IL1RL1: variants seen among roughly 807,000 people sequenced by gnomAD.
IL1RL1 encodes interleukin-1 receptor-like 1.
IL1RL1 carries 32 observed loss-of-function variants against 50.9 expected under a neutral mutation model. The observed-to-expected ratio is 0.63, with a 90% CI of 0.47 to 0.84. The LOEUF (loss-of-function observed/expected upper bound fraction) is 0.84. Among genes scored for constraint, IL1RL1 ranks in the 40% least tolerant of loss-of-function variants. IL1RL1 has a pLI of 0.00. For synonymous variants in IL1RL1, 275 were observed against 236.0 expected, an observed-to-expected ratio of 1.17 and a Z score of -1.51; for missense variants, 773 against 662.9, an observed-to-expected ratio of 1.17 and a Z score of -1.82.
chr2:102,312,378 A>G (rs1488854414), intron 1 of IL1RL1, among the ~76,000 whole-genome samples: 1 of 151,590 alleles, frequency 6.6e-6, no homozygotes, highest in African/African-American at 2.4e-5. Flanking sequence ...GTACAGATTG[A>G]TGAAATCCCT....
rs1412378510 is a variant in IL1RL1, at chr2:102,349,063, T to C, written c.1118-16T>C. ...AGAATCAAGTAAGAAGTTGTACTTC[T>C]TGTTTTCATTTTCAGATGGAAAGCT... On this transcript the variant is annotated splice_polypyrimidine_tract_variant and intron_variant, in intron 9 of 10. Transcript: ENST00000233954. The C allele has an allele frequency of 6.2e-7, 1 of 1,608,114 alleles. No individual in the cohort carries two copies. Among genetic ancestry groups the C allele is most frequent in the African/African-American group, 1.3e-5 (1 of 74,780 alleles).
chr2:102,322,520 C>T (rs982388380), intron 1 of IL1RL1, among the ~76,000 whole-genome samples: 1 of 152,164 alleles, frequency 6.6e-6, no homozygotes, highest in Non-Finnish European at 1.5e-5. Flanking sequence ...ATTGGCAAGG[C>T]CTCCAGTGGA....
intron 4 of IL1RL1, 42 bp from the exon 5 acceptor site, chr2:102,340,624 A>T (rs1156977308): frequency 6.4e-7 from 1 of 1,564,660 alleles, no homozygotes; most frequent in Non-Finnish European, 8.6e-7. Context: ...AATAAATAAA[A>T]GTGAAGAATT....
intron 2 of IL1RL1, 52 bp downstream of exon 2, chr2:102,338,377 C>A: frequency 9.3e-7 from 1 of 1,080,746 alleles, no homozygotes; most frequent in Non-Finnish European, 1.4e-6. Flanking sequence ...TAAATAATTT[C>A]AAGAACATTT....
At chr2:102,337,994 T>C (rs979918790) in intron 1 of IL1RL1, 122 bp from the exon 2 acceptor site, 2 of 254,542 alleles carry the variant, frequency 7.9e-6, no homozygotes, top group African/African-American at 2.2e-5. Context: ...AAACCTGCTG[T>C]TACATCTCTT....
At chr2:102,311,804 TTA>T (rs1478106238) in intron 1 of IL1RL1, among the ~76,000 whole-genome samples, 181 bp downstream of exon 1, 16 of 93,032 alleles carry the variant, frequency 1.7e-4, no homozygotes, top group South Asian at 3.0e-4. Flanking sequence ...CAATTATATA[TTA>T]TATATAATAC....
At chr2:102,312,653 C>G (rs967829357) in intron 1 of IL1RL1, among the ~76,000 whole-genome samples, 1 of 151,754 alleles carries the variant, frequency 6.6e-6, no homozygotes, top group Non-Finnish European at 1.5e-5. Flanking sequence ...AAATAGAGAA[C>G]GGACATGAGA....
intron 9 of IL1RL1, 55 bp downstream of exon 9, chr2:102,348,146 T>G: frequency 7.1e-7 from 1 of 1,400,140 alleles, no homozygotes. Flanking sequence ...TAATAACTGT[T>G]GGTTACCTGT....
intron 1 of IL1RL1, among the ~76,000 whole-genome samples, chr2:102,311,898 C>T (rs12998468): frequency 2.0e-4 from 4 of 19,820 alleles, no homozygotes; most frequent in African/African-American, 4.4e-4. Flanking sequence ...TATAATATAT[C>T]ATATATGTTA....
chr2:102,345,927 T>C, intron 8 of IL1RL1: 5 of 985,472 alleles, frequency 5.1e-6, no homozygotes, highest in Non-Finnish European at 6.0e-6. Context: ...TGCTACGTTA[T>C]CATTGATCAA....
chr2:102,313,925 C>G (rs151232466), intron 1 of IL1RL1, among the ~76,000 whole-genome samples: 1 of 152,272 alleles, frequency 6.6e-6, no homozygotes, highest in East Asian at 1.9e-4. Flanking sequence ...GAACAAAAAT[C>G]TAACAGCAAC....
At chr2:102,339,735 G>A (rs1040117620) in intron 3 of IL1RL1, among the ~76,000 whole-genome samples, 5 of 152,108 alleles carry the variant, frequency 3.3e-5, no homozygotes, top group African/African-American at 1.2e-4. Flanking sequence ...AAGCATTATT[G>A]TGAAAATAAA....
chr2:102,332,810 A>G (rs1003752749), intron 1 of IL1RL1, among the ~76,000 whole-genome samples: 3 of 151,352 alleles, frequency 2.0e-5, no homozygotes, highest in Non-Finnish European at 4.4e-5. Flanking sequence ...ATTTTATGTT[A>G]TGTAAATTTC....
rs1355066422 is a variant in IL1RL1 at position 102,312,038 on chromosome 2, AATATTATAT to A, written c.-150+420_-150+428del. Among the ~76,000 whole-genome samples, 8 of 71,626 alleles carry A rather than the reference AATATTATAT, an allele frequency of 1.1e-4. No individual in the cohort carries two copies. In the Admixed American group the frequency reaches 1.4e-3, roughly 13 times the overall value. 47.0% of individuals were successfully genotyped at this position (71,626 alleles called of 152,430 possible). A position where few individuals can be genotyped will look rare whatever the true frequency, so the allele number is the denominator to read the frequency against. On this transcript the variant is annotated intron_variant, in intron 1 of 10. Transcript: ENST00000233954. ...TATATATAATATATATTATATATTA[AATATTATAT>A]ATATAATATATATAACATTATTGTT... is the stretch of plus-strand genomic sequence containing the variant.
At chr2:102,346,047 T>C in intron 8 of IL1RL1, 1 of 978,690 alleles carries the variant, frequency 1.0e-6, no homozygotes, top group Non-Finnish European at 1.2e-6. Flanking sequence ...ATCAACATGG[T>C]TACACTCTGT....
chr2:102,349,850 G>A (rs10208293), intron 10 of IL1RL1, among the ~76,000 whole-genome samples: 49,514 of 152,028 alleles, frequency 0.33, 9,053 homozygotes, highest in African/African-American at 0.49. Flanking sequence ...TCCAGTACCT[G>A]TGGACCCTCC....
intron 1 of IL1RL1, among the ~76,000 whole-genome samples, chr2:102,330,593 T>C (rs545911925): frequency 1.3e-5 from 2 of 152,338 alleles, no homozygotes; most frequent in Non-Finnish European, 2.9e-5. Flanking sequence ...CATTGATATA[T>C]TTTCTTTTGT....
intron 10 of IL1RL1, 148 bp from the exon 11 acceptor site, chr2:102,351,388 C>T (rs1573165804): frequency 2.9e-6 from 2 of 688,200 alleles, no homozygotes; most frequent in African/African-American, 1.8e-5. Flanking sequence ...GGTTCTCTAT[C>T]CACACATACT....
Position 102,338,305 on chromosome 2 carries a change from A to G in IL1RL1, c.41A>G (p.Tyr14Cys). The change falls in exon 2 of 11, where the codon TAT (tyrosine) becomes TGT (cysteine). Residue 14 changes from tyrosine (Y) to cysteine (C), a missense_variant. Coordinates refer to ENST00000233954, the MANE Select transcript of IL1RL1 (RefSeq NM_016232.5). The stretch of plus-strand genomic sequence containing the variant: ...TTAGCAATTCTCACAATTCTCATGT[A>G]TTCCACAGCAGCAAAGTTTAGTAAG... ...WILAILTILM[Y>C]STAAKFSKQS... 6.2e-7 allele frequency: 1 copy of G among 1,601,882 alleles called. No homozygotes were observed.
Sources: gnomAD v4.1 joint callset for allele counts (sites outside exome capture counted in the v4.1 genomes callset) on GRCh38, gnomAD v4.1.1 for gene constraint, MANE v1.5 for transcripts, NCBI Gene and HGNC (gene_info 2026-07-23, HGNC 2026-07-21) for gene names.